BCAS3: variants seen among roughly 807,000 people sequenced by gnomAD.
BCAS3 encodes BCAS4/BCAS3 fusion.
In BCAS3, 53 loss-of-function variants were observed where a neutral mutation model predicts 116.1. That is an observed-to-expected ratio of 0.46 (90% CI 0.37 to 0.57). The LOEUF is 0.57. Among genes scored for constraint, BCAS3 ranks in the 20% least tolerant of loss-of-function variants. BCAS3 has a pLI of 0.00. For missense variants in BCAS3, 917 were observed against 1,165.4 expected (o/e 0.79, Z 3.10); for synonymous variants, 391 against 408.2 (o/e 0.96, Z 0.51).
intron 7 of BCAS3, among the ~76,000 whole-genome samples, chr17:60,821,522 G>T (rs2049967193): frequency 6.6e-6 from 1 of 152,008 alleles, no homozygotes; most frequent in Admixed American, 6.6e-5. Flanking sequence ...GCCCCTCCCA[G>T]CTCTTTTCTT....
chr17:60,877,854 T>A (rs923612736), intron 9 of BCAS3, among the ~76,000 whole-genome samples: 1 of 152,226 alleles, frequency 6.6e-6, no homozygotes, highest in Non-Finnish European at 1.5e-5. Context: ...TTAAAATCTA[T>A]TTAGTGTGGA....
Position 61,325,521 on chromosome 17 carries a change from G to A in BCAS3, c.2426-42806G>A, listed in dbSNP as rs2055660492. 6.6e-6 allele frequency among the ~76,000 whole-genome samples: 1 copy of A among 152,186 alleles called. No homozygotes were observed. The highest frequency in any genetic ancestry group is 1.5e-5 in the Non-Finnish European group (1 of 68,040). On this transcript the variant is annotated intron_variant, in intron 22 of 23. Transcript: ENST00000407086. The surrounding 1 kb of genome is among the most constrained non-coding windows in gnomAD (Gnocchi z 6.4). ...CATACCAATTCATTCTTGGTCAGTG[G>A]CAGGCACATTTCACACTGAATTCCA...
At chr17:60,720,496 A>G (rs976301237) in intron 5 of BCAS3, 4 of 152,230 alleles carry the variant, frequency 2.6e-5, no homozygotes, top group Admixed American at 1.3e-4. Context: ...TATTTATTAC[A>G]TCACCTAAAA....
intron 22 of BCAS3, among the ~76,000 whole-genome samples, chr17:61,237,124 G>C (rs1256988128): frequency 6.6e-6 from 1 of 152,180 alleles, no homozygotes; most frequent in Non-Finnish European, 1.5e-5. Context: ...CTGGACTTCT[G>C]GGTAGAGTGG....
rs149300596 is a variant in BCAS3, at chr17:60,728,719, A to G, written c.322-18479A>G. Among the ~76,000 whole-genome samples, 1,390 of 152,022 alleles carry G rather than the reference A, an allele frequency of 9.1e-3. 13 individuals are homozygous for G. Among genetic ancestry groups the G allele is most frequent in the Non-Finnish European group, 0.016 (1,090 of 67,966 alleles). ...GGTCTCGGACTCCTGACCTCAAGCA[A>G]TCTACCGCCTCAGCTTCCCAAAGTG... is the stretch of plus-strand genomic sequence containing the variant. On this transcript the variant is annotated intron_variant, in intron 5 of 23. Transcript: ENST00000407086.
At chr17:61,173,243 GAGTTGA>G (rs1298139175) in intron 22 of BCAS3, among the ~76,000 whole-genome samples, 1 of 152,008 alleles carries the variant, frequency 6.6e-6, no homozygotes, top group Non-Finnish European at 1.5e-5. Context: ...TTGAAGCCAG[GAGTTGA>G]CACCAGCCTG....
chr17:60,897,509 T>C (rs1346930737), intron 10 of BCAS3, among the ~76,000 whole-genome samples: 1 of 152,202 alleles, frequency 6.6e-6, no homozygotes, highest in African/African-American at 2.4e-5. Flanking sequence ...TTTCAAATTT[T>C]TTCTTTCTCT....
chr17:60,824,478 C>G (rs1162563882), intron 7 of BCAS3, among the ~76,000 whole-genome samples: 1 of 152,174 alleles, frequency 6.6e-6, no homozygotes, highest in Non-Finnish European at 1.5e-5. Flanking sequence ...TCGTCTCCTT[C>G]CTTGTGATTC....
At chr17:60,930,235 G>A (rs1599759671) in intron 13 of BCAS3, among the ~76,000 whole-genome samples, 1 of 152,070 alleles carries the variant, frequency 6.6e-6, no homozygotes, top group Non-Finnish European at 1.5e-5. Context: ...TATCTAATTT[G>A]GTTAAAGGTA....
At chr17:60,999,366 CG>C (rs2064068050) in intron 15 of BCAS3, among the ~76,000 whole-genome samples, 1 of 151,720 alleles carries the variant, frequency 6.6e-6, no homozygotes, top group Admixed American at 6.6e-5. Context: ...GGTGAAACCC[CG>C]TCTCTACTAA....
intron 12 of BCAS3, among the ~76,000 whole-genome samples, chr17:60,917,508 C>G (rs778276917): frequency 3.3e-5 from 5 of 152,162 alleles, no homozygotes; most frequent in Non-Finnish European, 5.9e-5. Context: ...TTTAAAGGCT[C>G]CATAATATTC....
intron 22 of BCAS3, among the ~76,000 whole-genome samples, chr17:61,123,078 A>G (rs2075869802): frequency 6.6e-6 from 1 of 151,634 alleles, no homozygotes; most frequent in Non-Finnish European, 1.5e-5. Flanking sequence ...AGTAGCTGGG[A>G]CTACAGGCGC....
chr17:61,091,566 A>G (rs905727079), intron 22 of BCAS3, among the ~76,000 whole-genome samples: 1 of 152,140 alleles, frequency 6.6e-6, no homozygotes, highest in African/African-American at 2.4e-5. Context: ...AAACAAACAA[A>G]GAGCCCCTCT....
intron 7 of BCAS3, among the ~76,000 whole-genome samples, chr17:60,837,714 C>A (rs1248226718): frequency 6.7e-6 from 1 of 148,348 alleles, no homozygotes; most frequent in Non-Finnish European, 1.5e-5. Context: ...AGTGCAGTAG[C>A]ACAATCTTGG....
At chr17:61,149,393 C>G (rs2077422380) in intron 22 of BCAS3, among the ~76,000 whole-genome samples, 1 of 151,980 alleles carries the variant, frequency 6.6e-6, no homozygotes, top group Non-Finnish European at 1.5e-5. Flanking sequence ...ATATTTTGAT[C>G]TTTATAGCTA....
chr17:60,734,285 AC>A (rs2040753194), intron 5 of BCAS3, among the ~76,000 whole-genome samples: 1 of 152,164 alleles, frequency 6.6e-6, no homozygotes, highest in Non-Finnish European at 1.5e-5. Context: ...GCACACTACC[AC>A]ACCCAGTTAA....
intron 6 of BCAS3, among the ~76,000 whole-genome samples, chr17:60,757,049 G>C (rs2043051691): frequency 1.3e-5 from 2 of 152,026 alleles, no homozygotes; most frequent in South Asian, 2.1e-4. Flanking sequence ...TGTAGTCGCA[G>C]CTACTCGGGA....
intron 22 of BCAS3, among the ~76,000 whole-genome samples, chr17:61,155,271 G>A (rs2077765730): frequency 6.6e-6 from 1 of 152,040 alleles, no homozygotes; most frequent in South Asian, 2.1e-4. Flanking sequence ...AGTTATCAGA[G>A]ACAAATACTA....
At chr17:61,046,570 T>C (rs1009383359) in intron 19 of BCAS3, among the ~76,000 whole-genome samples, 1 of 151,834 alleles carries the variant, frequency 6.6e-6, no homozygotes, top group African/African-American at 2.4e-5. Context: ...GTAAGTGCTA[T>C]ATAAATAGTT....
Sources: gnomAD v4.1 joint callset for allele counts (sites outside exome capture counted in the v4.1 genomes callset) on GRCh38, gnomAD v4.1.1 for gene constraint, Gnocchi (gnomAD v3.1) non-coding constraint, MANE v1.5 for transcripts, NCBI Gene and HGNC (gene_info 2026-07-23, HGNC 2026-07-21) for gene names.